CSMD1: variants seen among roughly 807,000 people sequenced by gnomAD.
CSMD1 encodes CUB and Sushi multiple domains 1, also known as CUB and sushi domain-containing protein 1.
Under a neutral mutation model 417.5 loss-of-function variants are expected in CSMD1, and 213 were observed. That is an observed-to-expected ratio of 0.51 (90% CI 0.46 to 0.57). The LOEUF (loss-of-function observed/expected upper bound fraction) is 0.57, where lower values mean the gene tolerates loss of function less well. Among genes scored for constraint, CSMD1 ranks in the 20% least tolerant of loss-of-function variants. The probability of loss-of-function intolerance (pLI) is 0.00; values close to 1 mark genes in which losing one functional copy is unlikely to be tolerated. For missense variants in CSMD1, 6,923 were observed against 4,529.7 expected (o/e 1.53, Z -15.17); for synonymous variants, 2,862 against 1,736.8 (o/e 1.65, Z -16.11).
At chr8:3,293,722 A>G (rs1226054903) in intron 25 of CSMD1, among the ~76,000 whole-genome samples, 2 of 151,342 alleles carry the variant, frequency 1.3e-5, no homozygotes, top group African/African-American at 2.4e-5. Context: ...CTAGTTAGCC[A>G]TTCGTTTAAT....
intron 2 of CSMD1, among the ~76,000 whole-genome samples, chr8:4,510,272 G>A (rs777830976): frequency 6.6e-6 from 1 of 151,462 alleles, no homozygotes; most frequent in Non-Finnish European, 1.5e-5. Flanking sequence ...ACCAAGTCTT[G>A]GGTATGTCTT....
At chr8:4,301,846 T>G (rs1797997112) in intron 3 of CSMD1, among the ~76,000 whole-genome samples, 1 of 150,780 alleles carries the variant, frequency 6.6e-6, no homozygotes, top group Admixed American at 6.7e-5. Context: ...CATCGGTGAT[T>G]TCACCATTCT....
intron 1 of CSMD1, among the ~76,000 whole-genome samples, chr8:4,658,616 G>A (rs556361491): frequency 1.3e-5 from 2 of 152,168 alleles, no homozygotes; most frequent in South Asian, 2.1e-4. Flanking sequence ...CCAGTGCGGA[G>A]TATCCACAAT....
chr8:3,253,774 A>T (rs1304029952), intron 26 of CSMD1, among the ~76,000 whole-genome samples: 1 of 152,094 alleles, frequency 6.6e-6, no homozygotes, highest in East Asian at 1.9e-4. Flanking sequence ...GTGTCTCTGC[A>T]GGTGAGATGG....
At chr8:3,635,812 AAAAG>A (rs1554495062) in intron 7 of CSMD1, among the ~76,000 whole-genome samples, 1,338 of 117,466 alleles carry the variant, frequency 0.011, 26 homozygotes, top group African/African-American at 0.041. Flanking sequence ...AAAAAAAAAA[AAAAG>A]AAAGAAAGAA....
chr8:4,243,913 G>A (rs914950392), intron 3 of CSMD1, among the ~76,000 whole-genome samples: 1 of 152,190 alleles, frequency 6.6e-6, no homozygotes, highest in Admixed American at 6.5e-5. Flanking sequence ...GGTTAGCAGA[G>A]AGTTTGCTTC....
chr8:3,204,795 G>C (rs1274038560), intron 31 of CSMD1, among the ~76,000 whole-genome samples: 1 of 152,154 alleles, frequency 6.6e-6, no homozygotes, highest in African/African-American at 2.4e-5. Context: ...TTTCCTATTG[G>C]AAAGAGGGAC....
At chr8:3,801,520 T>G (rs1419938150) in intron 5 of CSMD1, among the ~76,000 whole-genome samples, 1 of 152,118 alleles carries the variant, frequency 6.6e-6, no homozygotes, top group East Asian at 1.9e-4. Flanking sequence ...GTGTTGCTTG[T>G]CGGAAAGTAA....
At chr8:3,784,327 C>T (rs912485832) in intron 5 of CSMD1, among the ~76,000 whole-genome samples, 1 of 152,142 alleles carries the variant, frequency 6.6e-6, no homozygotes, top group Non-Finnish European at 1.5e-5. Context: ...TATCTCACTT[C>T]TAAAATTAAA....
intron 5 of CSMD1, among the ~76,000 whole-genome samples, chr8:3,952,499 C>G (rs181796431): frequency 2.5e-3 from 377 of 152,202 alleles, no homozygotes; most frequent in Admixed American, 3.7e-3. Flanking sequence ...CTAACAGATA[C>G]AAGCCACATA....
chr8:4,401,798 C>T (rs752566923), intron 3 of CSMD1, among the ~76,000 whole-genome samples: 8 of 152,142 alleles, frequency 5.3e-5, no homozygotes, highest in Non-Finnish European at 1.2e-4. Context: ...AGTGCTTCCT[C>T]TCTCACTCAC....
At chr8:4,283,484 A>G (rs1235474126) in intron 3 of CSMD1, among the ~76,000 whole-genome samples, 1 of 152,218 alleles carries the variant, frequency 6.6e-6, no homozygotes, top group East Asian at 1.9e-4. Context: ...CTTTGTACCA[A>G]TATATTTTGC....
chr8:3,490,701 G>C (rs1420939163), intron 11 of CSMD1, among the ~76,000 whole-genome samples: 1 of 152,122 alleles, frequency 6.6e-6, no homozygotes, highest in Non-Finnish European at 1.5e-5. Context: ...GCTGGAGCCA[G>C]AAACTCTATC....
chr8:4,224,336 G>A (rs931287806), intron 3 of CSMD1, among the ~76,000 whole-genome samples: 2 of 152,124 alleles, frequency 1.3e-5, no homozygotes, highest in African/African-American at 4.8e-5. Flanking sequence ...GCACATTTTG[G>A]CAGCCTTAGG....
At chr8:3,639,372 T>C (rs1366631593) in intron 7 of CSMD1, among the ~76,000 whole-genome samples, 1 of 152,188 alleles carries the variant, frequency 6.6e-6, no homozygotes, top group Non-Finnish European at 1.5e-5. Context: ...AGAATGAAAG[T>C]GAATGAGTGA....
intron 5 of CSMD1, among the ~76,000 whole-genome samples, chr8:3,764,867 C>A (rs1351385595): frequency 2.0e-5 from 3 of 151,700 alleles, no homozygotes; most frequent in Admixed American, 6.6e-5. Context: ...ATGCCTCAGC[C>A]TCCCAAGTAG....
rs1335077615 is a variant in CSMD1 at position 3,091,744 on chromosome 8, C to G, written c.7139-82G>C. ...ATACTAGGTTTAGCTTTTGATTACA[C>G]TGGAGTCTACGTGTGCAATACACAG... is the stretch of plus-strand genomic sequence containing the variant. On this transcript the variant is annotated intron_variant, in intron 47 of 69. Coordinates refer to ENST00000635120, the MANE Select transcript of CSMD1 (RefSeq NM_033225.6). 7 of 1,282,384 alleles carry G rather than the reference C, an allele frequency of 5.5e-6. No homozygotes were observed. In the East Asian group the frequency reaches 1.3e-4, roughly 23 times the overall value. The allele number at this position is 1,282,384 out of a possible 1,614,324, so 79.4% of individuals were successfully genotyped here.
intron 1 of CSMD1, among the ~76,000 whole-genome samples, chr8:4,868,661 C>G (rs1186318684): frequency 1.3e-5 from 2 of 151,616 alleles, no homozygotes; most frequent in African/African-American, 2.4e-5. Context: ...AAATTATTAC[C>G]TAAGAATAAA....
intron 62 of CSMD1, among the ~76,000 whole-genome samples, 183 bp from the exon 63 acceptor site, chr8:2,957,990 AT>A (rs1803141810): frequency 6.6e-6 from 1 of 152,248 alleles, no homozygotes; most frequent in Non-Finnish European, 1.5e-5. Flanking sequence ...CACAATGTAG[AT>A]TGCTCAATGA....
Sources: allele counts gnomAD v4.1 joint callset (sites outside exome capture counted in the v4.1 genomes callset), GRCh38; gene constraint gnomAD v4.1.1; transcripts MANE v1.5; gene names NCBI Gene and HGNC (gene_info 2026-07-23, HGNC 2026-07-21).